The following GRIN2A variants were observed in gnomAD, a reference collection of about 807,000 sequenced individuals.
GRIN2A encodes glutamate receptor ionotropic, NMDA 2A.
In GRIN2A, 22 loss-of-function variants were observed where a neutral mutation model predicts 113.4. The observed-to-expected ratio is 0.19, with a 90% CI of 0.14 to 0.28. GRIN2A has a LOEUF of 0.28. Among genes scored for constraint, GRIN2A ranks in the 10% least tolerant of loss-of-function variants. GRIN2A has a pLI of 1.00. For synonymous variants in GRIN2A, 827 were observed against 738.4 expected, an observed-to-expected ratio of 1.12 and a Z score of -1.94; for missense variants, 1,502 against 1,887.0, an observed-to-expected ratio of 0.80 and a Z score of 3.78.
chr16:10,098,569 G>A (rs999255749), intron 2 of GRIN2A, among the ~76,000 whole-genome samples: 3 of 152,098 alleles, frequency 2.0e-5, no homozygotes, highest in Admixed American at 1.3e-4. Flanking sequence ...CCCATTAATC[G>A]ACAAGTGGCT....
intron 2 of GRIN2A, among the ~76,000 whole-genome samples, chr16:10,123,825 C>G (rs1484371321): frequency 6.6e-6 from 1 of 152,180 alleles, no homozygotes; most frequent in East Asian, 1.9e-4. Context: ...ACTGTTTACC[C>G]TTTCTTACTG....
At chr16:10,139,501 T>A (rs1409726014) in intron 2 of GRIN2A, among the ~76,000 whole-genome samples, 2 of 152,232 alleles carry the variant, frequency 1.3e-5, no homozygotes, top group Non-Finnish European at 2.9e-5. Flanking sequence ...GTCTGTAGGG[T>A]TTGGCCTGTG....
rs1057521908 is a variant in GRIN2A at position 9,938,405 on chromosome 16, G to C, written c.561C>G (p.Val187=). ...FPGYREFISF[V]KTTVDNSFVG... Reference sequence around the variant, plus strand: ...CAAAGCTGTTGTCCACTGTGGTCTTGACGAAGCTGATGAATTCCCTGTAGC... The same window carrying C: ...CAAAGCTGTTGTCCACTGTGGTCTTCACGAAGCTGATGAATTCCCTGTAGC... The change falls in exon 3 of 13, where the codon GTC becomes GTG. Residue 187 remains valine, a synonymous_variant. Coordinates refer to ENST00000330684, the MANE Select transcript of GRIN2A (RefSeq NM_001134407.3). 1 of 1,614,074 alleles carries C rather than the reference G, an allele frequency of 6.2e-7. No individual in the cohort carries two copies. The highest frequency in any genetic ancestry group is 2.2e-5 in the East Asian group (1 of 44,858).
chr16:10,070,243 C>A (rs1238137902), intron 2 of GRIN2A, among the ~76,000 whole-genome samples: 1 of 152,124 alleles, frequency 6.6e-6, no homozygotes, highest in Admixed American at 6.5e-5. Context: ...CCTCGAAGCA[C>A]CTCCATTTAG....
At chr16:10,175,985 T>G (rs919334925) in intron 2 of GRIN2A, among the ~76,000 whole-genome samples, 1 of 151,600 alleles carries the variant, frequency 6.6e-6, no homozygotes, top group Admixed American at 6.6e-5. Flanking sequence ...CTCTTATTTA[T>G]TGATTTTAAT....
intron 2 of GRIN2A, among the ~76,000 whole-genome samples, chr16:10,103,603 A>G (rs549273365): frequency 1.3e-5 from 2 of 152,286 alleles, no homozygotes; most frequent in South Asian, 4.2e-4. Flanking sequence ...TATAGATAAG[A>G]ATATCGCCAG....
intron 2 of GRIN2A, among the ~76,000 whole-genome samples, chr16:9,955,086 C>T (rs1416204595): frequency 6.6e-6 from 1 of 152,132 alleles, no homozygotes; most frequent in Non-Finnish European, 1.5e-5. Context: ...CAGCCATTTG[C>T]CTGAGTCAAG....
chr16:10,086,796 G>A (rs2048094424), intron 2 of GRIN2A, among the ~76,000 whole-genome samples: 1 of 152,128 alleles, frequency 6.6e-6, no homozygotes, highest in African/African-American at 2.4e-5. Context: ...AGGCTGCCAA[G>A]CTCTAAAAAT....
At position 9,764,321 on chromosome 16, in the gene GRIN2A, C is replaced by T. The variant is rs1177431276; in HGVS notation, c.3223G>A (p.Asp1075Asn). Reference protein sequence around the residue: ...SNRATCHREPDNSKNHKTKDN... With the variant: ...SNRATCHREPNNSKNHKTKDN... The stretch of plus-strand genomic sequence containing the variant: ...TTGGTTTTGTGGTTCTTACTGTTGT[C>T]AGGTTCCCTGTGGCACGTGGCCCGA... Residue 1075 changes from aspartate (D) to asparagine (N), a missense_variant, in exon 13 of 13, where the codon GAC becomes AAC. Asp to Asn is a conservative substitution (Grantham distance 23, BLOSUM62 1). Around this residue, in one of 7 missense-constraint regions of GRIN2A, gnomAD observed 832 missense variants for 789.7 expected, o/e 1.05. Coordinates refer to ENST00000330684, the MANE Select transcript of GRIN2A (RefSeq NM_001134407.3). The T allele has an allele frequency of 6.2e-7, 1 of 1,614,128 alleles. No individual in the cohort carries two copies. The highest frequency in any genetic ancestry group is 1.1e-5 in the South Asian group (1 of 91,070).
At chr16:9,772,791 G>A (rs1201155563) in intron 11 of GRIN2A, among the ~76,000 whole-genome samples, 1 of 152,176 alleles carries the variant, frequency 6.6e-6, no homozygotes, top group East Asian at 1.9e-4. Context: ...AGCCTGTAAG[G>A]AGGGCAGTCT....
chr16:10,043,547 T>C (rs2047202447), intron 2 of GRIN2A, among the ~76,000 whole-genome samples: 1 of 152,158 alleles, frequency 6.6e-6, no homozygotes, highest in Non-Finnish European at 1.5e-5. Flanking sequence ...TATGGTATTG[T>C]TTCTCAGTAT....
intron 2 of GRIN2A, among the ~76,000 whole-genome samples, chr16:10,044,022 T>TAG (rs1555469980): frequency 2.6e-3 from 283 of 107,988 alleles, no homozygotes; most frequent in South Asian, 0.011. Flanking sequence ...TATATATATA[T>TAG]AGAGAGAGAG....
chr16:9,862,199 A>G (rs1048159380), intron 4 of GRIN2A, among the ~76,000 whole-genome samples: 14 of 152,220 alleles, frequency 9.2e-5, no homozygotes, highest in African/African-American at 3.4e-4. Context: ...TACTTATGTA[A>G]CCACTGGCAA....
chr16:9,837,194 G>T (rs182764106), intron 7 of GRIN2A, among the ~76,000 whole-genome samples: 1 of 152,270 alleles, frequency 6.6e-6, no homozygotes, highest in African/African-American at 2.4e-5. Flanking sequence ...GATAATGACC[G>T]TAAATAAGGG....
intron 2 of GRIN2A, among the ~76,000 whole-genome samples, chr16:9,939,604 A>C (rs1051275847): frequency 6.6e-6 from 1 of 152,130 alleles, no homozygotes; most frequent in Admixed American, 6.5e-5. Context: ...CCCCTAACTC[A>C]TCAAATCCCC....
At chr16:9,894,090 T>C (rs1456226274) in intron 3 of GRIN2A, among the ~76,000 whole-genome samples, 2 of 152,070 alleles carry the variant, frequency 1.3e-5, no homozygotes, top group Admixed American at 6.5e-5. Context: ...GGAATCTTAA[T>C]GGGTGAAGGG....
intron 2 of GRIN2A, among the ~76,000 whole-genome samples, chr16:9,954,250 G>A (rs980437914): frequency 2.0e-5 from 3 of 152,162 alleles, no homozygotes; most frequent in African/African-American, 4.8e-5. Flanking sequence ...TTTTCACCCC[G>A]GACATCACCT....
intron 2 of GRIN2A, among the ~76,000 whole-genome samples, chr16:9,945,667 C>T (rs1224808588): frequency 6.6e-6 from 1 of 152,146 alleles, no homozygotes; most frequent in Non-Finnish European, 1.5e-5. Context: ...CTCTGGAATT[C>T]TGATCTGTGC....
intron 4 of GRIN2A, among the ~76,000 whole-genome samples, chr16:9,881,974 A>G (rs139468651): frequency 6.6e-6 from 1 of 152,324 alleles, no homozygotes; most frequent in Admixed American, 6.5e-5. Flanking sequence ...GAAGCCAAGA[A>G]CAATGTTTGC....
Sources: allele counts gnomAD v4.1 joint callset (sites outside exome capture counted in the v4.1 genomes callset), GRCh38; gene constraint gnomAD v4.1.1; regional missense constraint gnomAD v4.1.1; transcripts MANE v1.5; gene names NCBI Gene and HGNC (gene_info 2026-07-23, HGNC 2026-07-21).